Variants in MYO16 observed in about 807,000 individuals in gnomAD.
The protein encoded by MYO16 is unconventional myosin-XVI.
In MYO16, 94 loss-of-function variants were observed where a neutral mutation model predicts 205.3. That is an observed-to-expected ratio of 0.46 (90% CI 0.39 to 0.54). The LOEUF is 0.54. Among genes scored for constraint, MYO16 ranks in the 20% least tolerant of loss-of-function variants. The probability of loss-of-function intolerance (pLI) is 0.00; values close to 1 mark genes in which losing one functional copy is unlikely to be tolerated. For synonymous variants in MYO16, 988 were observed against 954.0 expected, an observed-to-expected ratio of 1.04 and a Z score of -0.66; for missense variants, 2,315 against 2,387.5, an observed-to-expected ratio of 0.97 and a Z score of 0.63.
chr13:108,562,170 G>A, the MYO16 span, among the ~76,000 whole-genome samples: 5 of 152,182 alleles, frequency 3.3e-5, no homozygotes, highest in African/African-American at 1.2e-4. Flanking sequence ...TCTGGTGAGG[G>A]TCCTCTTCAG....
At chr13:108,671,099 C>T (rs1356199772) in intron 2 of MYO16, among the ~76,000 whole-genome samples, 1 of 152,088 alleles carries the variant, frequency 6.6e-6, no homozygotes, top group Admixed American at 6.6e-5. Flanking sequence ...ACATGATTAA[C>T]TTTTAGTTGT....
intron 23 of MYO16, among the ~76,000 whole-genome samples, chr13:109,029,391 T>C (rs1314735759): frequency 6.6e-6 from 1 of 152,068 alleles, no homozygotes; most frequent in African/African-American, 2.4e-5. Context: ...ATAACATGCT[T>C]GCGGGATCTC....
chr13:108,767,758 A>AT (rs1357890577), intron 4 of MYO16, among the ~76,000 whole-genome samples: 3 of 152,080 alleles, frequency 2.0e-5, no homozygotes, highest in African/African-American at 7.2e-5. Flanking sequence ...TTCCTATTTT[A>AT]TTCCAATACA....
chr13:108,700,899 C>T (rs1401053937), intron 2 of MYO16, among the ~76,000 whole-genome samples: 1 of 152,022 alleles, frequency 6.6e-6, no homozygotes, highest in African/African-American at 2.4e-5. Context: ...AATTTCTCTC[C>T]TAGGACTGAC....
intron 23 of MYO16, among the ~76,000 whole-genome samples, chr13:109,022,617 TA>T (rs1886104368): frequency 7.6e-6 from 1 of 132,362 alleles, no homozygotes; most frequent in Non-Finnish European, 1.6e-5. Flanking sequence ...CATATAAACA[TA>T]TGTATATATA....
At chr13:108,929,862 G>A (rs555129113) in intron 16 of MYO16, among the ~76,000 whole-genome samples, 7 of 152,176 alleles carry the variant, frequency 4.6e-5, no homozygotes, top group African/African-American at 1.2e-4. Flanking sequence ...GGAAAAGAAA[G>A]TAAACCATCA....
intron 34 of MYO16, among the ~76,000 whole-genome samples, chr13:109,189,961 T>A (rs1190290607): frequency 2.0e-5 from 3 of 152,134 alleles, no homozygotes; most frequent in Non-Finnish European, 4.4e-5. Context: ...CAGATAGATG[T>A]TTTGTATTTT....
At chr13:108,573,159 A>C in the MYO16 span, among the ~76,000 whole-genome samples, 1 of 152,190 alleles carries the variant, frequency 6.6e-6, no homozygotes, top group Non-Finnish European at 1.5e-5. Flanking sequence ...AAACGCCTGT[A>C]CTTGTTGAAG....
At chr13:108,679,390 T>C (rs1007227008) in intron 2 of MYO16, among the ~76,000 whole-genome samples, 3 of 152,224 alleles carry the variant, frequency 2.0e-5, no homozygotes, top group Non-Finnish European at 4.4e-5. Flanking sequence ...CCCAGGAGAC[T>C]GTAGGTTTAC....
chr13:109,103,714 A>G (rs562641700), intron 28 of MYO16, among the ~76,000 whole-genome samples: 1 of 152,164 alleles, frequency 6.6e-6, no homozygotes. Context: ...ACTCTCCAAC[A>G]TTGTAGCAAT....
chr13:109,122,975 TTA>T (rs931015134), intron 29 of MYO16, among the ~76,000 whole-genome samples: 4 of 152,242 alleles, frequency 2.6e-5, no homozygotes, highest in African/African-American at 9.6e-5. Flanking sequence ...GCTGTAACTT[TTA>T]GTTTTAAATT....
rs1427395045 is a variant in MYO16 at position 108,664,503 on chromosome 13, C to T, written c.29-1383C>T. Among the ~76,000 whole-genome samples the T allele has an allele frequency of 2.0e-5, 3 of 152,226 alleles. No individual in the cohort carries two copies. The East Asian group carries it at 5.8e-4, about 30-fold the overall frequency. On this transcript the variant is annotated intron_variant, in intron 1 of 34. Coordinates refer to ENST00000457511, the MANE Select transcript of MYO16 (RefSeq NM_001198950.3). Reference sequence around the variant, plus strand: ...AAGACTTGGAAAGTGTCACAAGAAACAGAAGTGGAAATAGTGTTGTCATGA... The same window carrying T: ...AAGACTTGGAAAGTGTCACAAGAAATAGAAGTGGAAATAGTGTTGTCATGA...
intron 1 of MYO16, among the ~76,000 whole-genome samples, chr13:108,634,122 A>C (rs1228098542): frequency 6.6e-6 from 1 of 152,130 alleles, no homozygotes; most frequent in African/African-American, 2.4e-5. Context: ...ATCATGATCA[A>C]ACATCTCACC....
At chr13:108,522,024 G>A in the MYO16 span, among the ~76,000 whole-genome samples, 303 of 152,236 alleles carry the variant, frequency 2.0e-3, 1 homozygote, top group African/African-American at 7.1e-3. Flanking sequence ...GTGTACACAG[G>A]TTTCCCAATA....
chr13:108,797,877 C>T (rs1441078956), intron 6 of MYO16, among the ~76,000 whole-genome samples: 1 of 152,212 alleles, frequency 6.6e-6, no homozygotes, highest in African/African-American at 2.4e-5. Context: ...AGTAGAGAAG[C>T]TATTGAAGTA....
intron 27 of MYO16, among the ~76,000 whole-genome samples, chr13:109,060,808 C>T (rs923458667): frequency 6.6e-6 from 1 of 152,146 alleles, no homozygotes; most frequent in Non-Finnish European, 1.5e-5. Flanking sequence ...GTATTAGCCC[C>T]TCACAAGAGA....
intron 27 of MYO16, among the ~76,000 whole-genome samples, chr13:109,100,172 ATTTTTG>A: frequency 6.6e-6 from 1 of 152,236 alleles, no homozygotes; most frequent in Non-Finnish European, 1.5e-5. Flanking sequence ...TTTAAAAGTC[ATTTTTG>A]AAAAACCTGT....
At chr13:108,752,417 T>A (rs1885265508) in intron 4 of MYO16, among the ~76,000 whole-genome samples, 1 of 152,168 alleles carries the variant, frequency 6.6e-6, no homozygotes, top group African/African-American at 2.4e-5. Flanking sequence ...GTACAAAGGT[T>A]ATACTTAATT....
chr13:108,844,316 T>A, intron 9 of MYO16, 27 bp from the exon 10 acceptor site: 2 of 1,590,656 alleles, frequency 1.3e-6, no homozygotes, highest in Non-Finnish European at 1.7e-6. Flanking sequence ...AAGAGACTAA[T>A]TGTAGTATTG....
Sources: gnomAD v4.1 joint callset for allele counts (sites outside exome capture counted in the v4.1 genomes callset) on GRCh38, gnomAD v4.1.1 for gene constraint, MANE v1.5 for transcripts, NCBI Gene and HGNC (gene_info 2026-07-23, HGNC 2026-07-21) for gene names.